HS3ST5: variants seen among roughly 807,000 people sequenced by gnomAD.
HS3ST5 encodes the protein heparan sulfate-glucosamine 3-sulfotransferase 5, also known as heparan sulfate glucosamine 3-O-sulfotransferase 5.
Under a neutral mutation model 25.4 loss-of-function variants are expected in HS3ST5, and 10 were observed. The ratio of observed to expected loss-of-function variants is 0.39; its 90% CI spans 0.24 to 0.67. HS3ST5 has a LOEUF of 0.67. Among genes scored for constraint, HS3ST5 ranks in the 30% least tolerant of loss-of-function variants. The pLI is 0.44. For missense variants in HS3ST5, 324 were observed against 420.7 expected (o/e 0.77, Z 2.01); for synonymous variants, 170 against 162.4 (o/e 1.05, Z -0.36).
intron 1 of HS3ST5, among the ~76,000 whole-genome samples, chr6:114,285,140 A>G (rs561299254): frequency 6.6e-6 from 1 of 152,216 alleles, no homozygotes; most frequent in South Asian, 2.1e-4. Context: ...GCATTATCAC[A>G]ATAGCCAAAA....
intron 3 of HS3ST5, among the ~76,000 whole-genome samples, chr6:114,122,462 G>A (rs561876806): frequency 1.7e-3 from 261 of 152,192 alleles, no homozygotes; most frequent in Admixed American, 2.6e-3. Flanking sequence ...CAAGAGAGAA[G>A]GTATTTATGG....
At chr6:114,084,558 C>T in intron 3 of HS3ST5, 3 of 761,900 alleles carry the variant, frequency 3.9e-6, no homozygotes, top group South Asian at 1.3e-5. Flanking sequence ...AGTGAGCTCC[C>T]TCGTTGTTGC....
At chr6:114,213,472 G>T (rs1781610953) in intron 2 of HS3ST5, among the ~76,000 whole-genome samples, 1 of 152,076 alleles carries the variant, frequency 6.6e-6, no homozygotes, top group African/African-American at 2.4e-5. Flanking sequence ...CAGGGACTCT[G>T]CCTTTCTCGG....
chr6:114,287,224 T>C (rs140258605), intron 1 of HS3ST5, among the ~76,000 whole-genome samples: 17 of 152,142 alleles, frequency 1.1e-4, no homozygotes, highest in East Asian at 3.9e-4. Flanking sequence ...TTTAATAACA[T>C]TGAGCACTTA....
At chr6:114,163,509 G>C (rs1016461779) in intron 3 of HS3ST5, among the ~76,000 whole-genome samples, 12 of 152,232 alleles carry the variant, frequency 7.9e-5, no homozygotes, top group African/African-American at 2.4e-4. Context: ...TGGATTTTTA[G>C]AACTTGACAA....
At chr6:114,240,007 CAT>C (rs1411842346) in intron 1 of HS3ST5, among the ~76,000 whole-genome samples, 3 of 111,702 alleles carry the variant, frequency 2.7e-5, no homozygotes, top group African/African-American at 3.9e-5. Flanking sequence ...TCAGCACACA[CAT>C]ACACACACAC....
At chr6:114,112,846 CAT>C (rs1266288723) in intron 3 of HS3ST5, among the ~76,000 whole-genome samples, 1 of 152,142 alleles carries the variant, frequency 6.6e-6, no homozygotes, top group East Asian at 1.9e-4. Flanking sequence ...GAAAATACCA[CAT>C]GTTCCTGCCA....
At chr6:114,131,453 C>T (rs781666173) in intron 3 of HS3ST5, among the ~76,000 whole-genome samples, 6 of 152,062 alleles carry the variant, frequency 3.9e-5, no homozygotes, top group Non-Finnish European at 8.8e-5. Context: ...TAGTTTTTCA[C>T]AGTGTAAAAA....
chr6:114,149,502 G>A (rs1778347311), intron 3 of HS3ST5, among the ~76,000 whole-genome samples: 1 of 152,088 alleles, frequency 6.6e-6, no homozygotes, highest in Admixed American at 6.6e-5. Flanking sequence ...AACACCACAT[G>A]TTCTCACTCA....
chr6:114,293,958 T>A (rs902016659), intron 1 of HS3ST5, among the ~76,000 whole-genome samples: 1 of 152,306 alleles, frequency 6.6e-6, no homozygotes, highest in South Asian at 2.1e-4. Context: ...ACTGTGGTAC[T>A]TTCTGGAGTG....
At chr6:114,145,360 G>A (rs1778106422) in intron 3 of HS3ST5, among the ~76,000 whole-genome samples, 1 of 152,188 alleles carries the variant, frequency 6.6e-6, no homozygotes, top group African/African-American at 2.4e-5. Flanking sequence ...ATGGTTTAGT[G>A]TGCTTCGAGT....
rs148352504 is a variant in HS3ST5, at chr6:114,212,608, T to C, written c.-145+15977A>G. On this transcript the variant is annotated intron_variant, in intron 2 of 4. Coordinates refer to ENST00000312719, the MANE Select transcript of HS3ST5 (RefSeq NM_153612.4). ...CATTTTAATAGTCCTCTTTTTAACTTAGACATATTTACTTTTGCAATTCTA... is the reference window on the plus strand; with the variant it reads ...CATTTTAATAGTCCTCTTTTTAACTCAGACATATTTACTTTTGCAATTCTA... 3.0e-3 allele frequency among the ~76,000 whole-genome samples: 460 copies of C among 152,376 alleles called. 4 individuals carry two copies. The highest frequency in any genetic ancestry group is 0.011 in the African/African-American group (452 of 41,588).
intron 3 of HS3ST5, among the ~76,000 whole-genome samples, chr6:114,098,910 A>C (rs567226004): frequency 1.3e-5 from 2 of 152,100 alleles, no homozygotes; most frequent in Non-Finnish European, 2.9e-5. Context: ...TTTTTCCTTG[A>C]GCAGTTATGA....
chr6:114,075,796 ATCT>A (rs910337452), intron 3 of HS3ST5, among the ~76,000 whole-genome samples: 2 of 152,140 alleles, frequency 1.3e-5, no homozygotes, highest in Non-Finnish European at 2.9e-5. Flanking sequence ...AACCCTTCAC[ATCT>A]TCTTACAGAG....
intron 2 of HS3ST5, among the ~76,000 whole-genome samples, chr6:114,213,480 C>T (rs961070418): frequency 2.6e-5 from 4 of 152,084 alleles, no homozygotes; most frequent in Middle Eastern, 3.2e-3. Flanking sequence ...CTGCCTTTCT[C>T]GGTCTAGTAT....
rs537799007 is a variant in HS3ST5 at position 114,058,137 on chromosome 6, G to A, written c.161C>T (p.Ala54Val). 1.8e-5 allele frequency: 29 copies of A among 1,613,456 alleles called. No homozygotes were observed. In the Admixed American group the frequency reaches 4.8e-4, roughly 27 times the overall value. ...CTGCAGGGCGCGAAGTGGGAATTCA[G>A]CCTGAGTGCGGGCTCCACCCAGTCG... Reference protein sequence around the residue: ...EGRLGGARTQAEFPLRALQFK... With the variant: ...EGRLGGARTQVEFPLRALQFK... Residue 54 changes from alanine to valine, a missense_variant, in exon 5 of 5, where the codon GCT becomes GTT. Transcript: ENST00000312719.
At chr6:114,278,164 T>G (rs555841795) in intron 1 of HS3ST5, among the ~76,000 whole-genome samples, 13 of 152,116 alleles carry the variant, frequency 8.5e-5, no homozygotes, top group Non-Finnish European at 1.3e-4. Context: ...GGTTTACATG[T>G]GCTCTTCAAT....
intron 1 of HS3ST5, among the ~76,000 whole-genome samples, chr6:114,268,815 A>G (rs1773518349): frequency 6.6e-6 from 1 of 152,146 alleles, no homozygotes; most frequent in Non-Finnish European, 1.5e-5. Context: ...GCAAGAGAGG[A>G]GGCTGGTGCT....
In HS3ST5 at chr6:114,288,768, A is replaced by G. The variant is rs368773336; in HGVS notation, c.-339+53427T>C. Among the ~76,000 whole-genome samples the G allele has an allele frequency of 1.2e-4, 19 of 152,182 alleles. 1 individual carries two copies. The East Asian group carries it at 3.1e-3, about 25-fold the overall frequency. ...GCCTTTGTTGCCATTCCCAGAAATG[A>G]TTAGATGTTAGATATAGTCTGTGCC... On this transcript the variant is annotated intron_variant, in intron 1 of 4. Coordinates refer to ENST00000312719, the MANE Select transcript of HS3ST5 (RefSeq NM_153612.4).
Sources: allele counts gnomAD v4.1 joint callset (sites outside exome capture counted in the v4.1 genomes callset), GRCh38; gene constraint gnomAD v4.1.1; transcripts MANE v1.5; gene names NCBI Gene and HGNC (gene_info 2026-07-23, HGNC 2026-07-21).